The following NR3C2 variants were observed in gnomAD, a reference collection of about 807,000 sequenced individuals.
The protein encoded by NR3C2 is mineralocorticoid receptor.
A neutral mutation model predicts 86.4 loss-of-function variants in NR3C2; 15 were observed. The ratio of observed to expected loss-of-function variants is 0.17; its 90% CI spans 0.12 to 0.27. NR3C2 has a LOEUF of 0.27. Ranked by LOEUF, NR3C2 falls within the 10% of genes least tolerant of loss-of-function variation. The pLI, the probability that NR3C2 is intolerant of heterozygous loss-of-function variation, is 1.00. For missense variants in NR3C2, 960 were observed against 1,195.6 expected, an observed-to-expected ratio of 0.80 and a Z score of 2.91; for synonymous variants, 458 against 450.5, an observed-to-expected ratio of 1.02 and a Z score of -0.21.
chr4:148,181,829 A>G (rs1193183892), intron 4 of NR3C2, among the ~76,000 whole-genome samples: 1 of 152,220 alleles, frequency 6.6e-6, no homozygotes, highest in African/African-American at 2.4e-5. Context: ...AAGGAAAAAG[A>G]ATAGTACTAG....
intron 3 of NR3C2, among the ~76,000 whole-genome samples, chr4:148,229,679 A>C (rs560507521): frequency 6.6e-6 from 1 of 152,336 alleles, no homozygotes; most frequent in South Asian, 2.1e-4. Flanking sequence ...CCCAGTTCTA[A>C]GATCTGCTAA....
In NR3C2 at chr4:148,331,113, C is replaced by A. The variant is rs61086912; in HGVS notation, c.1758-70996G>T. Among the ~76,000 whole-genome samples the A allele has an allele frequency of 5.9e-3, 904 of 152,268 alleles. 7 individuals are homozygous for A. Among genetic ancestry groups the A allele is most frequent in the African/African-American group, 0.02 (829 of 41,552 alleles). The stretch of plus-strand genomic sequence containing the variant: ...ACTAATTCAGTATATAAAGGAAATA[C>A]ATATATTGTCCAAAATGGGTCAATA... On this transcript the variant is annotated intron_variant, in intron 2 of 8. Coordinates refer to ENST00000358102, the MANE Select transcript of NR3C2 (RefSeq NM_000901.5).
intron 2 of NR3C2, among the ~76,000 whole-genome samples, chr4:148,294,658 T>C (rs1173559991): frequency 7.5e-6 from 1 of 133,588 alleles, no homozygotes; most frequent in East Asian, 2.3e-4. Context: ...AAAAATTCCT[T>C]CTAAAAGTCC....
intron 8 of NR3C2, among the ~76,000 whole-genome samples, chr4:148,105,261 C>G (rs1201948374): frequency 6.6e-6 from 1 of 152,214 alleles, no homozygotes; most frequent in Non-Finnish European, 1.5e-5. Flanking sequence ...ATAAACACCT[C>G]TATACAAATA....
At chr4:148,326,234 C>CAA (rs11381917) in intron 2 of NR3C2, among the ~76,000 whole-genome samples, 9,069 of 133,652 alleles carry the variant, frequency 0.068, 376 homozygotes, top group African/African-American at 0.12. Context: ...ACTAAAAATA[C>CAA]AAAAAAAAAA....
At chr4:148,120,949 C>A (rs922853074) in intron 6 of NR3C2, among the ~76,000 whole-genome samples, 1 of 152,210 alleles carries the variant, frequency 6.6e-6, no homozygotes, top group Non-Finnish European at 1.5e-5. Flanking sequence ...ACACCACTAT[C>A]CAAATGCTTC....
In NR3C2 at chr4:148,136,328, A is replaced by C. The variant is rs137890412; in HGVS notation, c.2511-16040T>G. The stretch of plus-strand genomic sequence containing the variant: ...CAAGCAGAAACAGAAAAATGAGAGG[A>C]GAAAGAGTGGGGGACCAGTCATGGA... On this transcript the variant is annotated intron_variant, in intron 6 of 8. Transcript: ENST00000358102. 2.8e-3 allele frequency among the ~76,000 whole-genome samples: 431 copies of C among 151,752 alleles called. 1 individual carries two copies. The highest frequency in any genetic ancestry group is 9.5e-3 in the African/African-American group (395 of 41,372).
chr4:148,290,470 T>G (rs1741744543), intron 2 of NR3C2, among the ~76,000 whole-genome samples: 1 of 152,318 alleles, frequency 6.6e-6, no homozygotes, highest in East Asian at 1.9e-4. Flanking sequence ...TAGTAAAGGT[T>G]GTTTCAAGCC....
chr4:148,388,576 C>A (rs972042424), intron 2 of NR3C2, among the ~76,000 whole-genome samples: 5 of 152,130 alleles, frequency 3.3e-5, no homozygotes, highest in Non-Finnish European at 7.3e-5. Flanking sequence ...ACTATATCAA[C>A]CATTTAACAA....
chr4:148,342,699 A>G (rs1025396095), intron 2 of NR3C2, among the ~76,000 whole-genome samples: 2 of 152,160 alleles, frequency 1.3e-5, no homozygotes, highest in Non-Finnish European at 1.5e-5. Context: ...TGCCTTTATT[A>G]TTAACACATA....
At chr4:148,175,267 T>C (rs1421008241) in intron 4 of NR3C2, among the ~76,000 whole-genome samples, 1 of 152,188 alleles carries the variant, frequency 6.6e-6, no homozygotes, top group African/African-American at 2.4e-5. Context: ...TCAGCAACCC[T>C]TGGAGCAGCG....
At chr4:148,400,899 C>T (rs1461366200) in intron 2 of NR3C2, among the ~76,000 whole-genome samples, 2 of 152,018 alleles carry the variant, frequency 1.3e-5, no homozygotes, top group Non-Finnish European at 2.9e-5. Context: ...TGGGGAATCT[C>T]CATCCCATAA....
At chr4:148,099,173 T>C (rs748270070) in intron 8 of NR3C2, among the ~76,000 whole-genome samples, 1 of 152,234 alleles carries the variant, frequency 6.6e-6, no homozygotes, top group Non-Finnish European at 1.5e-5. Flanking sequence ...AACTGCGTAA[T>C]TGGTGGGGCC....
At chr4:148,251,614 A>G (rs1055035639) in intron 3 of NR3C2, among the ~76,000 whole-genome samples, 2 of 152,230 alleles carry the variant, frequency 1.3e-5, no homozygotes, top group Non-Finnish European at 2.9e-5. Flanking sequence ...GATAGGCTAC[A>G]TCTAATTTTT....
intron 2 of NR3C2, among the ~76,000 whole-genome samples, chr4:148,352,869 G>A (rs939924882): frequency 6.6e-6 from 1 of 152,030 alleles, no homozygotes; most frequent in Non-Finnish European, 1.5e-5. Flanking sequence ...CTTATGTAAT[G>A]TGATTTAAAG....
chr4:148,216,433 C>T (rs1737542070), intron 3 of NR3C2, among the ~76,000 whole-genome samples: 1 of 152,130 alleles, frequency 6.6e-6, no homozygotes, highest in Non-Finnish European at 1.5e-5. Flanking sequence ...TATGAGAACA[C>T]TGAGGCTGGG....
At chr4:148,323,191 G>GGGGGTCA (rs1373818221) in intron 2 of NR3C2, among the ~76,000 whole-genome samples, 4 of 128,368 alleles carry the variant, frequency 3.1e-5, no homozygotes, top group Non-Finnish European at 6.9e-5. Context: ...TAGGCTGCTC[G>GGGGGTCA]GGGGTCAGGG....
Position 148,300,296 on chromosome 4 carries a change from C to T in NR3C2, c.1758-40179G>A, listed in dbSNP as rs569596210. On this transcript the variant is annotated intron_variant, in intron 2 of 8. Coordinates refer to ENST00000358102, the MANE Select transcript of NR3C2 (RefSeq NM_000901.5). ...ATGTGATCTTTGCCATTTGTTGATT[C>T]TCTTCCCCTCCACAAACAGCCCTGA... Among the ~76,000 whole-genome samples the T allele has an allele frequency of 1.5e-4, 23 of 152,248 alleles. No homozygotes were observed. In the South Asian group the frequency reaches 4.6e-3, roughly 30 times the overall value.
intron 2 of NR3C2, among the ~76,000 whole-genome samples, chr4:148,314,088 T>C (rs371720962): frequency 6.6e-6 from 1 of 152,124 alleles, no homozygotes; most frequent in South Asian, 2.1e-4. Context: ...ACAAACTCTA[T>C]GGAGGGCAAG....
Sources: allele counts gnomAD v4.1 joint callset (sites outside exome capture counted in the v4.1 genomes callset), GRCh38; gene constraint gnomAD v4.1.1; transcripts MANE v1.5; gene names NCBI Gene and HGNC (gene_info 2026-07-23, HGNC 2026-07-21).